The following ZNF804B variants were observed in gnomAD, a reference collection of about 807,000 sequenced individuals.
ZNF804B encodes the protein zinc finger 804B.
A neutral mutation model predicts 101.4 loss-of-function variants in ZNF804B; 80 were observed. The ratio of observed to expected loss-of-function variants is 0.79; its 90% CI spans 0.66 to 0.95. The LOEUF (loss-of-function observed/expected upper bound fraction) is 0.95. ZNF804B is among the 40% of genes least tolerant of loss of function. ZNF804B has a pLI of 0.00. For missense variants in ZNF804B, 1,673 were observed against 1,561.9 expected, an observed-to-expected ratio of 1.07 and a Z score of -1.20; for synonymous variants, 622 against 558.8, an observed-to-expected ratio of 1.11 and a Z score of -1.59.
intron 1 of ZNF804B, among the ~76,000 whole-genome samples, chr7:88,942,525 TGTGTG>T (rs771348688): frequency 2.7e-5 from 4 of 150,438 alleles, no homozygotes; most frequent in Non-Finnish European, 4.4e-5. Flanking sequence ...TGTGTGTGTG[TGTGTG>T]TTTTGCATTG....
At chr7:89,289,502 C>G (rs1790254798) in intron 2 of ZNF804B, among the ~76,000 whole-genome samples, 1 of 152,084 alleles carries the variant, frequency 6.6e-6, no homozygotes, top group African/African-American at 2.4e-5. Flanking sequence ...CCTTTCCCAC[C>G]CCTAGCAGCA....
chr7:89,077,146 T>C (rs1225860947), intron 1 of ZNF804B, among the ~76,000 whole-genome samples: 1 of 152,172 alleles, frequency 6.6e-6, no homozygotes, highest in Non-Finnish European at 1.5e-5. Flanking sequence ...TATTGTGTAA[T>C]GCTCTTCAAT....
In ZNF804B at chr7:89,145,777, A is replaced by G. The variant is rs370195171; in HGVS notation, c.109-72378A>G. Among the ~76,000 whole-genome samples the G allele has an allele frequency of 3.5e-4, 53 of 152,160 alleles. No homozygotes were observed. In the East Asian group the frequency reaches 9.7e-3, roughly 28 times the overall value. On this transcript the variant is annotated intron_variant, in intron 1 of 3. Coordinates refer to ENST00000333190, the MANE Select transcript of ZNF804B (RefSeq NM_181646.5). ...CTAAATAGTTCAGAGACATTTCATT[A>G]TAATTGATTCTGGATCAGTGCACTA...
At chr7:88,991,194 C>T (rs915185221) in intron 1 of ZNF804B, among the ~76,000 whole-genome samples, 1 of 152,118 alleles carries the variant, frequency 6.6e-6, no homozygotes, top group African/African-American at 2.4e-5. Flanking sequence ...TGATTTTAGT[C>T]AGATCCCAGA....
At chr7:89,286,337 C>G (rs556925317) in intron 2 of ZNF804B, among the ~76,000 whole-genome samples, 1 of 152,030 alleles carries the variant, frequency 6.6e-6, no homozygotes, top group Non-Finnish European at 1.5e-5. Context: ...GAAAGATAAA[C>G]CTGAAAGTGA....
chr7:88,995,886 A>T (rs1324633598), intron 1 of ZNF804B, among the ~76,000 whole-genome samples: 1 of 152,046 alleles, frequency 6.6e-6, no homozygotes, highest in Non-Finnish European at 1.5e-5. Flanking sequence ...ATCATGAGAA[A>T]AACATGAGAC....
At chr7:89,329,000 T>C (rs1403438439) in intron 3 of ZNF804B, among the ~76,000 whole-genome samples, 1 of 151,762 alleles carries the variant, frequency 6.6e-6, no homozygotes, top group Non-Finnish European at 1.5e-5. Context: ...CTGATGATGA[T>C]AATGATGGTG....
intron 1 of ZNF804B, among the ~76,000 whole-genome samples, chr7:88,820,506 T>A (rs1032638925): frequency 6.6e-6 from 1 of 152,168 alleles, no homozygotes; most frequent in Non-Finnish European, 1.5e-5. Flanking sequence ...AGGAACGTTG[T>A]CTCTGTCTGA....
chr7:89,270,196 A>C (rs1226367958), intron 2 of ZNF804B, among the ~76,000 whole-genome samples: 3 of 152,144 alleles, frequency 2.0e-5, no homozygotes, highest in Non-Finnish European at 4.4e-5. Flanking sequence ...GTATGGTTTT[A>C]GGTCTAAACA....
chr7:89,306,490 G>C (rs1218342639), intron 2 of ZNF804B, among the ~76,000 whole-genome samples: 1 of 132,314 alleles, frequency 7.6e-6, no homozygotes, highest in Non-Finnish European at 1.7e-5. Context: ...TCAACTGATC[G>C]TGTCTTTTAT....
chr7:88,948,991 T>A (rs966243391), intron 1 of ZNF804B, among the ~76,000 whole-genome samples: 3 of 151,952 alleles, frequency 2.0e-5, no homozygotes, highest in Non-Finnish European at 4.4e-5. Flanking sequence ...TTGTATGTGA[T>A]TACTTTTGTA....
intron 1 of ZNF804B, among the ~76,000 whole-genome samples, chr7:89,098,572 C>G (rs909532720): frequency 6.6e-6 from 1 of 151,866 alleles, no homozygotes; most frequent in African/African-American, 2.4e-5. Context: ...GCGTCCGGCC[C>G]ATAACAACTT....
At chr7:89,184,274 T>G (rs1340488983) in intron 1 of ZNF804B, among the ~76,000 whole-genome samples, 1 of 152,124 alleles carries the variant, frequency 6.6e-6, no homozygotes, top group African/African-American at 2.4e-5. Flanking sequence ...ATTTCTAGAT[T>G]TTCATCTGAT....
chr7:89,263,935 G>C (rs532071437), intron 2 of ZNF804B, among the ~76,000 whole-genome samples: 22 of 152,118 alleles, frequency 1.4e-4, no homozygotes, highest in Non-Finnish European at 2.2e-4. Context: ...CAAGTTTGTG[G>C]TAATTTTTAA....
intron 2 of ZNF804B, among the ~76,000 whole-genome samples, chr7:89,260,366 T>A (rs1789693286): frequency 6.6e-6 from 1 of 151,988 alleles, no homozygotes; most frequent in Admixed American, 6.6e-5. Flanking sequence ...TTGAATAAGG[T>A]ACTTTTTTCC....
chr7:88,818,579 A>G (rs1790922708), intron 1 of ZNF804B, among the ~76,000 whole-genome samples: 1 of 152,178 alleles, frequency 6.6e-6, no homozygotes, highest in Non-Finnish European at 1.5e-5. Context: ...TTATAAGATA[A>G]TAATGTAGAA....
At chr7:88,867,654 T>C (rs928301175) in intron 1 of ZNF804B, among the ~76,000 whole-genome samples, 1 of 152,234 alleles carries the variant, frequency 6.6e-6, no homozygotes, top group Non-Finnish European at 1.5e-5. Context: ...CCAGTCAAGT[T>C]GACACCTTGC....
At chr7:88,829,254 A>G (rs941871838) in intron 1 of ZNF804B, among the ~76,000 whole-genome samples, 1 of 151,998 alleles carries the variant, frequency 6.6e-6, no homozygotes, top group Non-Finnish European at 1.5e-5. Context: ...CTGCACCTGA[A>G]CATTTTTAAT....
intron 1 of ZNF804B, among the ~76,000 whole-genome samples, chr7:89,204,307 G>T (rs536212627): frequency 3.9e-5 from 6 of 152,268 alleles, no homozygotes; most frequent in Middle Eastern, 3.4e-3. Context: ...CAATTTAGAT[G>T]AATGCAATAT....
Sources: allele counts gnomAD v4.1 joint callset (sites outside exome capture counted in the v4.1 genomes callset), GRCh38; gene constraint gnomAD v4.1.1; transcripts MANE v1.5; gene names NCBI Gene and HGNC (gene_info 2026-07-23, HGNC 2026-07-21).